SRD5A3: variants seen among roughly 807,000 people sequenced by gnomAD.
The protein encoded by SRD5A3 is polyprenal reductase.
A neutral mutation model predicts 34.3 loss-of-function variants in SRD5A3; 24 were observed. The ratio of observed to expected loss-of-function variants is 0.70; its 90% CI spans 0.51 to 0.99. SRD5A3 has a LOEUF of 0.99. Ranked by LOEUF, SRD5A3 falls within the 50% of genes least tolerant of loss-of-function variation. The pLI, the probability that SRD5A3 is intolerant of heterozygous loss-of-function variation, is 0.00. For missense variants in SRD5A3, 350 were observed against 388.2 expected (o/e 0.90, Z 0.83); for synonymous variants, 161 against 167.3 (o/e 0.96, Z 0.29).
At chr4:55,351,556 C>G (rs1297136649) in intron 1 of SRD5A3, among the ~76,000 whole-genome samples, 1 of 151,854 alleles carries the variant, frequency 6.6e-6, no homozygotes, top group Non-Finnish European at 1.5e-5. Context: ...ACTCGGGAGG[C>G]TGAGGCAGGA....
rs6554276 is a variant in SRD5A3 at position 55,367,385 on chromosome 4, T to G, written c.563-203T>G. The stretch of plus-strand genomic sequence containing the variant: ...TCCTTTGTCCAGAGAGACAGGGCTT[T>G]TCCCTCTGTATTGGGAAATTACATC... On this transcript the variant is annotated intron_variant, in intron 3 of 4. Transcript: ENST00000264228. 0.81 allele frequency among the ~76,000 whole-genome samples: 122,910 copies of G among 152,146 alleles called. 49,843 individuals carry two copies. The highest frequency in any genetic ancestry group is 0.98 in the East Asian group (5,054 of 5,166).
intron 1 of SRD5A3, among the ~76,000 whole-genome samples, chr4:55,356,197 CAG>C (rs1719454947): frequency 1.3e-5 from 2 of 151,700 alleles, no homozygotes; most frequent in South Asian, 4.2e-4. Context: ...TTAGTAGAAA[CAG>C]GGTTTCACCA....
chr4:55,346,646 G>A (rs941348409), intron 1 of SRD5A3, 89 bp downstream of exon 1: 37 of 1,278,862 alleles, frequency 2.9e-5, no homozygotes, highest in Admixed American at 1.3e-4. Context: ...GGGGGCAGCA[G>A]AGGCGGGACC....
Position 55,359,469 on chromosome 4 carries a change from C to A in SRD5A3, c.345C>A (p.Leu115=). Residue 115 remains leucine (L), a synonymous_variant, in exon 2 of 5, where the codon CTC becomes CTA. Transcript: ENST00000264228. ...GGCTTCATGGTTTGCTCAGAATTCT[C>A]GGGGCGGCACAGTTCCAGGGTAAGG... ...PSWLHGLLRI[L]GAAQFQGGEL... is the part of the protein sequence containing the mutation. The A allele has an allele frequency of 6.2e-7, 1 of 1,614,022 alleles. No homozygotes were observed.
chr4:55,352,476 A>AG, intron 1 of SRD5A3: 1 of 653,596 alleles, frequency 1.5e-6, no homozygotes. Flanking sequence ...AAACTGCCGA[A>AG]GGGGTCCATG....
intron 1 of SRD5A3, among the ~76,000 whole-genome samples, chr4:55,354,803 T>A (rs373950639): frequency 2.4e-4 from 36 of 152,274 alleles, no homozygotes; most frequent in African/African-American, 8.2e-4. Context: ...GCTATAAAAT[T>A]TACTGTGTGT....
intron 1 of SRD5A3, among the ~76,000 whole-genome samples, chr4:55,350,313 T>G (rs1054587304): frequency 8.5e-5 from 13 of 152,150 alleles, no homozygotes; most frequent in African/African-American, 2.9e-4. Flanking sequence ...TAGGTTGAAG[T>G]GAGCCAAGAT....
At chr4:55,350,533 A>G (rs1368014804) in intron 1 of SRD5A3, among the ~76,000 whole-genome samples, 1 of 152,138 alleles carries the variant, frequency 6.6e-6, no homozygotes. Context: ...GTATAAATTT[A>G]TAGGTTACAA....
At chr4:55,346,858 A>G (rs1280623058) in intron 1 of SRD5A3, among the ~76,000 whole-genome samples, 1 of 152,250 alleles carries the variant, frequency 6.6e-6, no homozygotes, top group East Asian at 1.9e-4. Flanking sequence ...GGAAATGGCA[A>G]CGCATCCGAA....
intron 1 of SRD5A3, among the ~76,000 whole-genome samples, chr4:55,351,261 G>A (rs765672275): frequency 1.3e-5 from 2 of 151,740 alleles, no homozygotes; most frequent in Non-Finnish European, 2.9e-5. Context: ...TAGTAGAAAC[G>A]GAGTTTCACC....
At chr4:55,357,617 C>T (rs771015241) in intron 1 of SRD5A3, among the ~76,000 whole-genome samples, 1 of 152,238 alleles carries the variant, frequency 6.6e-6, no homozygotes, top group African/African-American at 2.4e-5. Context: ...CAGGATGGCT[C>T]TCTTCAAATA....
intron 4 of SRD5A3, chr4:55,369,485 T>A (rs1720038611): frequency 3.1e-6 from 1 of 318,706 alleles, no homozygotes; most frequent in Non-Finnish European, 5.9e-6. Flanking sequence ...ATCCCAGCAC[T>A]TTAGGAGGCT....
rs530396353 is a variant in SRD5A3 at position 55,367,678 on chromosome 4, A to G, written c.653A>G (p.Tyr218Cys). 8.7e-6 allele frequency: 14 copies of G among 1,613,982 alleles called. No individual in the cohort carries two copies. The highest frequency in any genetic ancestry group is 3.3e-5 in the South Asian group (3 of 91,080). The change falls in exon 4 of 5, where the codon TAT (tyrosine) becomes TGT (cysteine). Residue 218 changes from tyrosine (Y) to cysteine (C), a missense_variant. Around this residue, in one of 3 missense-constraint regions of SRD5A3, gnomAD observed 186 missense variants for 221.4 expected, o/e 0.84. Transcript: ENST00000264228. ...TTCATCTGGTCATCTGCCCATCAGT[A>G]TAAGTGCCATGTTATTCTCGGCAAT... is the stretch of plus-strand genomic sequence containing the variant. Reference protein sequence around the residue: ...MMFIWSSAHQYKCHVILGNLR... With the variant: ...MMFIWSSAHQCKCHVILGNLR...
Position 55,369,952 on chromosome 4 carries a change from A to G in SRD5A3, c.818A>G (p.His273Arg), listed in dbSNP as rs1720059529. 14 of 1,614,216 alleles carry G rather than the reference A, an allele frequency of 8.7e-6. No individual in the cohort carries two copies. The highest frequency in any genetic ancestry group is 1.1e-5 in the Non-Finnish European group (13 of 1,180,046). Residue 273 changes from histidine (H) to arginine (R), a missense_variant, in exon 5 of 5, where the codon CAC (histidine) becomes CGC (arginine). Around this residue, in one of 3 missense-constraint regions of SRD5A3, gnomAD observed 186 missense variants for 221.4 expected, o/e 0.84. Transcript: ENST00000264228. ...YVSMAVTFGF[H>R]NLTWWLVVTN... The stretch of plus-strand genomic sequence containing the variant: ...TCCATGGCCGTCACCTTTGGGTTCC[A>G]CAACTTAACTTGGTGGCTAGTGGTG...
rs543277496 is a variant in SRD5A3, at chr4:55,364,565, A to T, written c.562+294A>T. The T allele has an allele frequency of 1.9e-4, 73 of 380,194 alleles. 2 individuals are homozygous for T. The highest frequency in any genetic ancestry group is 1.6e-3 in the South Asian group (70 of 43,254). The allele number at this position is 380,194 out of a possible 1,614,324, so 23.6% of individuals were successfully genotyped here. ...GTCTCTACTAAAAATTAAAAAAAAA[A>T]ATTAGCCAGGCGTGGTGGCACACGC... is the stretch of plus-strand genomic sequence containing the variant. On this transcript the variant is annotated intron_variant, in intron 3 of 4. Transcript: ENST00000264228.
intron 1 of SRD5A3, among the ~76,000 whole-genome samples, chr4:55,349,246 G>A (rs1437534074): frequency 6.6e-6 from 1 of 152,114 alleles, no homozygotes; most frequent in East Asian, 1.9e-4. Context: ...ATTTTGGCTA[G>A]GCTGGTCTTG....
chr4:55,361,482 CAAAAA>C (rs59113946), intron 2 of SRD5A3, among the ~76,000 whole-genome samples: 3 of 102,030 alleles, frequency 2.9e-5, no homozygotes, highest in Non-Finnish European at 2.0e-5. Flanking sequence ...GACTCCGTCT[CAAAAA>C]AAAAAAAAAA....
Position 55,346,301 on chromosome 4 carries a change from G to A in SRD5A3, c.-36G>A. 2 of 1,374,328 alleles carry A rather than the reference G, an allele frequency of 1.5e-6. No individual in the cohort carries two copies. Among genetic ancestry groups the A allele is most frequent in the East Asian group, 3.1e-5 (1 of 32,582 alleles). The allele number at this position is 1,374,328 out of a possible 1,614,324, so 85.1% of individuals were successfully genotyped here. On this transcript the variant is annotated 5_prime_UTR_variant, in exon 1 of 5. Coordinates refer to ENST00000264228, the MANE Select transcript of SRD5A3 (RefSeq NM_024592.5). The stretch of plus-strand genomic sequence containing the variant: ...CTCTTCCGCGGGCTAGCGGGCGGTG[G>A]GGGCGCCAGCAGCGCGGAAGGCGGG...
At chr4:55,346,799 C>T (rs942023420) in intron 1 of SRD5A3, among the ~76,000 whole-genome samples, 1 of 152,200 alleles carries the variant, frequency 6.6e-6, no homozygotes, top group Admixed American at 6.5e-5. Context: ...GCCGCTTGCA[C>T]TCAGCTGGAG....
Sources: gnomAD v4.1 joint callset for allele counts (sites outside exome capture counted in the v4.1 genomes callset) on GRCh38, gnomAD v4.1.1 for gene constraint, gnomAD v4.1.1 regional missense constraint, MANE v1.5 for transcripts, NCBI Gene and HGNC (gene_info 2026-07-23, HGNC 2026-07-21) for gene names.